Variants in SNED1 observed in about 807,000 individuals in gnomAD.
SNED1 encodes sushi, nidogen and EGF like domains 1.
A neutral mutation model predicts 166.7 loss-of-function variants in SNED1; 81 were observed. The ratio of observed to expected loss-of-function variants is 0.49; its 90% confidence interval spans 0.41 to 0.58. The LOEUF is 0.58. Ranked by LOEUF, SNED1 falls within the 20% of genes least tolerant of loss-of-function variation. The pLI, the probability that SNED1 is intolerant of heterozygous loss-of-function variation, is 0.00. For missense variants in SNED1, 1,604 were observed against 2,000.2 expected, an observed-to-expected ratio of 0.80 and a Z score of 3.78; for synonymous variants, 762 against 822.0, an observed-to-expected ratio of 0.93 and a Z score of 1.25.
chr2:241,029,168 A>G (rs563700199), intron 1 of SNED1, among the ~76,000 whole-genome samples: 1 of 152,268 alleles, frequency 6.6e-6, no homozygotes, highest in South Asian at 2.1e-4. Flanking sequence ...GTGACCAGCA[A>G]CTCATTCACC....
At chr2:241,071,905 C>T in intron 26 of SNED1, 27 bp downstream of exon 26, 6 of 1,559,822 alleles carry the variant, frequency 3.8e-6, no homozygotes, top group Non-Finnish European at 5.2e-6. Context: ...CCCCACCCAC[C>T]TTGGTGGCCC....
chr2:241,001,788 A>T (rs1272344602), intron 1 of SNED1, among the ~76,000 whole-genome samples: 1 of 152,156 alleles, frequency 6.6e-6, no homozygotes, highest in South Asian at 2.1e-4. Context: ...TCTCTGGGCC[A>T]TGGGAGGATC....
At chr2:241,038,671 T>C (rs888910353) in intron 6 of SNED1, among the ~76,000 whole-genome samples, 13 of 152,256 alleles carry the variant, frequency 8.5e-5, no homozygotes, top group African/African-American at 3.1e-4. Flanking sequence ...CCACGTGCTC[T>C]CAACGTGAGA....
chr2:241,081,825 T>C (rs1280013901), intron 28 of SNED1, 32 bp downstream of exon 28: 2 of 1,477,406 alleles, frequency 1.4e-6, no homozygotes, highest in Non-Finnish European at 1.9e-6. Flanking sequence ...GGGCGCCCCT[T>C]CCAACACAGC....
rs1185604349 is a variant in SNED1 at position 241,089,902 on chromosome 2, C to G, written c.*1+1500C>G. 2.0e-6 allele frequency: 3 copies of G among 1,517,500 alleles called. No individual in the cohort carries two copies. In the East Asian group the frequency reaches 7.4e-5, roughly 37 times the overall value. 94.0% of individuals were successfully genotyped at this position (1,517,500 alleles called of 1,614,324 possible). A position where few individuals can be genotyped will look rare whatever the true frequency, so the allele number is the denominator to read the frequency against. ...TACTGAATACTGTAGGCGGTCGTAA[C>G]ACAGTGCCAAGTGTGTGTGTATCTA... On this transcript the variant is annotated intron_variant, in intron 31 of 31. Coordinates refer to ENST00000310397, the MANE Select transcript of SNED1 (RefSeq NM_001080437.3).
intron 1 of SNED1, among the ~76,000 whole-genome samples, chr2:241,000,058 AC>A (rs1559203396): frequency 6.6e-6 from 1 of 151,624 alleles, no homozygotes; most frequent in Non-Finnish European, 1.5e-5. Context: ...GAGTAACACC[AC>A]CTGTACTGCC....
chr2:241,067,230 C>T lies in SNED1; in HGVS notation c.3011-534C>T, dbSNP rs528829570. Among the ~76,000 whole-genome samples the T allele has an allele frequency of 5.9e-3, 900 of 152,350 alleles. 1 individual carries two copies. Among genetic ancestry groups the T allele is most frequent in the Non-Finnish European group, 0.01 (704 of 68,030 alleles). On this transcript the variant is annotated intron_variant, in intron 21 of 31. Coordinates refer to ENST00000310397, the MANE Select transcript of SNED1 (RefSeq NM_001080437.3). ...CGGGAGCTGAGCGCTGCCCTCTGGG[C>T]TCTGCCTGGTGCATCAGCAGTGGCA...
chr2:241,063,491 G>T (rs1575028120), intron 17 of SNED1, 96 bp from the exon 18 acceptor site: 1 of 808,402 alleles, frequency 1.2e-6, no homozygotes, highest in East Asian at 2.7e-5. Flanking sequence ...CTGGGAAAGG[G>T]GTAACTGAAG....
chr2:241,027,733 G>GTT (rs1553561255), intron 1 of SNED1, among the ~76,000 whole-genome samples: 16 of 135,668 alleles, frequency 1.2e-4, no homozygotes, highest in Admixed American at 3.6e-4. Context: ...ATTTTCTTCT[G>GTT]TTTTTTTTTT....
intron 26 of SNED1, 85 bp downstream of exon 26, chr2:241,071,963 T>A: frequency 8.9e-7 from 1 of 1,125,564 alleles, no homozygotes; most frequent in Non-Finnish European, 1.3e-6. Context: ...CCCTACATGA[T>A]GAGCCCACCC....
intron 2 of SNED1, 79 bp from the exon 3 acceptor site, chr2:241,033,656 C>A: frequency 6.8e-7 from 1 of 1,465,404 alleles, no homozygotes; most frequent in South Asian, 1.4e-5. Context: ...AATGACAGTG[C>A]ACCAGGATGG....
intron 1 of SNED1, among the ~76,000 whole-genome samples, chr2:241,005,838 T>A (rs2060207809): frequency 6.6e-6 from 1 of 152,172 alleles, no homozygotes; most frequent in Non-Finnish European, 1.5e-5. Flanking sequence ...TTATCACTGC[T>A]TTTCAGCAAT....
At chr2:241,030,983 T>G (rs2061149832) in intron 2 of SNED1, among the ~76,000 whole-genome samples, 1 of 152,180 alleles carries the variant, frequency 6.6e-6, no homozygotes. Context: ...TATGGTGGGC[T>G]GACACTCCCT....
At chr2:241,033,926 C>A in intron 3 of SNED1, 51 bp downstream of exon 3, 1 of 1,538,868 alleles carries the variant, frequency 6.5e-7, no homozygotes, top group Non-Finnish European at 8.8e-7. Flanking sequence ...CTCCCCACAG[C>A]CAGGACTGTC....
intron 1 of SNED1, among the ~76,000 whole-genome samples, chr2:241,023,187 CTATA>C (rs1284289882): frequency 1.3e-5 from 2 of 151,792 alleles, no homozygotes; most frequent in African/African-American, 2.4e-5. Flanking sequence ...TGTTTATTTA[CTATA>C]TATAGATACT....
At chr2:241,049,966 A>G in intron 12 of SNED1, 33 bp downstream of exon 12, 1 of 1,532,448 alleles carries the variant, frequency 6.5e-7, no homozygotes, top group Non-Finnish European at 9.0e-7. Context: ...GGCCGGCGTC[A>G]GCACCCTGGA....
chr2:241,066,606 G>C (rs1371364368), intron 21 of SNED1, among the ~76,000 whole-genome samples: 1 of 151,518 alleles, frequency 6.6e-6, no homozygotes, highest in African/African-American at 2.4e-5. Context: ...TGAGAGCACA[G>C]ACTGCTGCGA....
intron 1 of SNED1, among the ~76,000 whole-genome samples, chr2:241,002,828 C>T (rs1651672166): frequency 6.6e-6 from 1 of 152,094 alleles, no homozygotes; most frequent in African/African-American, 2.4e-5. Context: ...CCCTGGCGCC[C>T]ACCCATCTCC....
At chr2:241,055,450 T>C (rs976387926) in intron 16 of SNED1, among the ~76,000 whole-genome samples, 1 of 152,190 alleles carries the variant, frequency 6.6e-6, no homozygotes, top group Admixed American at 6.5e-5. Context: ...ATATCAGATA[T>C]AAGACAGTGA....
Sources: gnomAD v4.1 joint callset for allele counts (sites outside exome capture counted in the v4.1 genomes callset) on GRCh38, gnomAD v4.1.1 for gene constraint, MANE v1.5 for transcripts, NCBI Gene and HGNC (gene_info 2026-07-23, HGNC 2026-07-21) for gene names.